LAMB1: variants seen among roughly 807,000 people sequenced by gnomAD.
The protein encoded by LAMB1 is laminin subunit beta-1.
Under a neutral mutation model 222.3 loss-of-function variants are expected in LAMB1, and 121 were observed. That is an observed-to-expected ratio of 0.54 (90% CI 0.47 to 0.63). The LOEUF is 0.63. LAMB1 is among the 30% of genes least tolerant of loss of function. LAMB1 has a pLI of 0.00. For synonymous variants in LAMB1, 794 were observed against 807.2 expected (o/e 0.98, Z 0.28); for missense variants, 2,172 against 2,240.8 (o/e 0.97, Z 0.62).
intron 12 of LAMB1, 93 bp from the exon 13 acceptor site, chr7:107,973,164 C>A (rs1050804436): frequency 4.1e-6 from 4 of 982,652 alleles, no homozygotes; most frequent in Non-Finnish European, 6.5e-6. Flanking sequence ...TTCGGCTGTT[C>A]CACCAAATGC....
chr7:107,998,563 C>T (rs958649516), intron 3 of LAMB1, 71 bp from the exon 4 acceptor site: 3 of 1,342,850 alleles, frequency 2.2e-6, no homozygotes, highest in African/African-American at 2.9e-5. Context: ...AAAAAAACCC[C>T]ATGAAGCTCC....
In LAMB1 at chr7:107,954,978, AAG is replaced by A. The variant is rs548902796; in HGVS notation, c.2854+487_2854+488del. Among the ~76,000 whole-genome samples the A allele has an allele frequency of 2.2e-4, 33 of 152,348 alleles. No individual in the cohort carries two copies. In the South Asian group the frequency reaches 6.6e-3, roughly 31 times the overall value. On this transcript the variant is annotated intron_variant, in intron 21 of 33. Transcript: ENST00000222399. ...GTAACAGTGGCTTCAAGGATGAAAT[AAG>A]AGGGAGTTTTTAACAACCCAGCTAG... is the stretch of plus-strand genomic sequence containing the variant.
At chr7:107,925,697 G>A (rs1479750605) in intron 32 of LAMB1, among the ~76,000 whole-genome samples, 5 of 152,010 alleles carry the variant, frequency 3.3e-5, no homozygotes, top group African/African-American at 9.7e-5. Context: ...TAGTGCCTTC[G>A]AATGAGAGGT....
chr7:107,975,015 C>T lies in LAMB1; in HGVS notation c.1453G>A (p.Val485Met). The part of the protein sequence containing the change: ...ETGHCYCKRL[V>M]TGQHCDQCLP... Reference sequence around the variant, plus strand: ...CACTGGTCACAATGCTGTCCTGTCACCAGACGCTTGCAGTAGCAGTGACCT... The same window carrying T: ...CACTGGTCACAATGCTGTCCTGTCATCAGACGCTTGCAGTAGCAGTGACCT... The change falls in exon 12 of 34, where the codon GTG becomes ATG. Residue 485 changes from valine (V) to methionine (M), a missense_variant. Physicochemically the swap from Val to Met is conservative, Grantham distance 21. Transcript: ENST00000222399. The T allele has an allele frequency of 6.2e-7, 1 of 1,610,536 alleles. No individual in the cohort carries two copies. The highest frequency in any genetic ancestry group is 8.5e-7 in the Non-Finnish European group (1 of 1,177,170).
intron 27 of LAMB1, among the ~76,000 whole-genome samples, chr7:107,934,244 T>C (rs1233518757): frequency 1.3e-5 from 2 of 152,240 alleles, no homozygotes; most frequent in Admixed American, 6.5e-5. Flanking sequence ...CACTGTCTTA[T>C]ATTGTGACCA....
intron 11 of LAMB1, 35 bp downstream of exon 11, chr7:107,975,199 A>G (rs1366574531): frequency 3.1e-6 from 5 of 1,594,098 alleles, no homozygotes; most frequent in Non-Finnish European, 4.3e-6. Flanking sequence ...TTCAAACACA[A>G]GAAAACTCCC....
chr7:108,002,408 G>A, intron 2 of LAMB1: 1 of 1,314,430 alleles, frequency 7.6e-7, no homozygotes, highest in Non-Finnish European at 1.0e-6. Flanking sequence ...GAGACAAACA[G>A]AGATGGTTAA....
chr7:107,978,252 C>G (rs779847103), intron 8 of LAMB1, 85 bp from the exon 9 acceptor site: 29 of 1,465,534 alleles, frequency 2.0e-5, no homozygotes, highest in Non-Finnish European at 2.7e-5. Flanking sequence ...AAGTTTAAAA[C>G]CCTTTTTCAT....
intron 5 of LAMB1, among the ~76,000 whole-genome samples, chr7:107,991,594 A>G (rs907848726): frequency 4.6e-5 from 7 of 151,834 alleles, no homozygotes; most frequent in African/African-American, 1.5e-4. Flanking sequence ...TCCTCAAAAA[A>G]AAAAAAAAAA....
chr7:107,931,726 A>C (rs1451930896), intron 28 of LAMB1: 3 of 535,986 alleles, frequency 5.6e-6, no homozygotes, highest in East Asian at 3.3e-5. Flanking sequence ...TAGCATTTAA[A>C]ATTTTTCAAG....
chr7:107,931,830 T>G (rs2032718474), intron 28 of LAMB1: 3 of 474,614 alleles, frequency 6.3e-6, no homozygotes. Context: ...TTTAGAAGAA[T>G]AAATGCTCAA....
chr7:107,951,106 A>T, intron 24 of LAMB1, 120 bp downstream of exon 24: 5 of 681,308 alleles, frequency 7.3e-6, no homozygotes, highest in Non-Finnish European at 1.3e-5. Context: ...TTGCAATTAA[A>T]TACAGGTTCT....
chr7:107,932,094 G>A (rs1024257618), intron 28 of LAMB1, 80 bp downstream of exon 28: 1 of 1,254,878 alleles, frequency 8.0e-7, no homozygotes, highest in Non-Finnish European at 1.2e-6. Flanking sequence ...ATTTAGAATT[G>A]ATTTCTCCCT....
rs766484620 is a variant in LAMB1 at position 107,961,206 on chromosome 7, A to T, written c.2109T>A (p.Ser703=). The T allele has an allele frequency of 1.4e-5, 23 of 1,613,912 alleles. No homozygotes were observed. The change falls in exon 17 of 34, where the codon TCT becomes TCA. Residue 703 remains serine, a splice_region_variant and synonymous_variant. Coordinates refer to ENST00000222399, the MANE Select transcript of LAMB1 (RefSeq NM_002291.3). ...DVESPYTLID[S]LVLMPYCKSL... ...ATGCCAGAAGCAATCTCGCACTTAC[A>T]GAATCGATCAGCGTGTAGGGGCTCT...
rs565604685 is a variant in LAMB1, at chr7:107,961,219, G to A, written c.2096C>T (p.Thr699Met). 5.1e-5 allele frequency: 82 copies of A among 1,614,092 alleles called. 1 individual carries two copies. Among genetic ancestry groups the A allele is most frequent in the East Asian group, 8.9e-5 (4 of 44,878 alleles). ...SSDSDVESPY[T>M]LIDSLVLMPY... is the part of the protein sequence containing the mutation. ...TCTCGCACTTACAGAATCGATCAGC[G>A]TGTAGGGGCTCTCCACGTCGCTATC... The change falls in exon 17 of 34, where the codon ACG becomes ATG. Residue 699 changes from threonine to methionine, a missense_variant. Thr to Met is a moderately conservative substitution (Grantham distance 81). Transcript: ENST00000222399.
Position 107,924,251 on chromosome 7 carries a change from T to A in LAMB1, c.5203A>T (p.Ser1735Cys), listed in dbSNP as rs1466862886. 1 of 1,611,560 alleles carries A rather than the reference T, an allele frequency of 6.2e-7. No individual in the cohort carries two copies. Among genetic ancestry groups the A allele is most frequent in the Non-Finnish European group, 8.5e-7 (1 of 1,179,292 alleles). Residue 1735 changes from serine to cysteine, a missense_variant, in exon 33 of 34, where the codon AGC (serine) becomes TGC (cysteine). Physicochemically the swap from Ser to Cys is moderately radical, Grantham distance 112 (BLOSUM62 -1). Transcript: ENST00000222399. ...CCACCTTTGAGCAGTTGCAGCTTGC[T>A]ATTTGCTTGAGCTAAAAGAGTTTTT... ...EAKTLLAQAN[S>C]KLQLLKDLER...
At position 107,959,245 on chromosome 7, in the gene LAMB1, A is replaced by G. The variant is rs2150426940; in HGVS notation, c.2690+4T>C. The G allele has an allele frequency of 1.2e-6, 2 of 1,607,588 alleles. No individual in the cohort carries two copies. Among genetic ancestry groups the G allele is most frequent in the East Asian group, 2.2e-5 (1 of 44,746 alleles). ...CATTCTCCTTACTTTCAGCATCTGC[A>G]TACCTTTCACAGTTATGACCCATGG... On this transcript the variant is annotated splice_donor_region_variant and intron_variant, in intron 20 of 33. Transcript: ENST00000222399.
intron 24 of LAMB1, chr7:107,940,626 G>T: frequency 2.3e-6 from 1 of 432,858 alleles, no homozygotes; most frequent in Non-Finnish European, 4.2e-6. Flanking sequence ...ATAACCCTAT[G>T]GGATACGTGT....
At chr7:107,957,345 C>T (rs546850308) in intron 20 of LAMB1, among the ~76,000 whole-genome samples, 2 of 152,084 alleles carry the variant, frequency 1.3e-5, no homozygotes, top group Admixed American at 1.3e-4. Context: ...GAGCCAAGAT[C>T]GCACCATTGC....
Sources: allele counts gnomAD v4.1 joint callset (sites outside exome capture counted in the v4.1 genomes callset), GRCh38; gene constraint gnomAD v4.1.1; transcripts MANE v1.5; gene names NCBI Gene and HGNC (gene_info 2026-07-23, HGNC 2026-07-21).